The following TAF6L variants were observed in gnomAD, a reference collection of about 807,000 sequenced individuals.
TAF6L encodes the protein TATA-box binding protein associated factor 6 like.
TAF6L carries 34 observed loss-of-function variants against 57.3 expected under a neutral mutation model. That is an observed-to-expected ratio of 0.59 (90% CI 0.45 to 0.79). TAF6L has a LOEUF of 0.79. Among genes scored for constraint, TAF6L ranks in the 30% least tolerant of loss-of-function variants. TAF6L has a pLI of 0.00. For synonymous variants in TAF6L, 417 were observed against 376.3 expected, an observed-to-expected ratio of 1.11 and a Z score of -1.25; for missense variants, 782 against 853.2, an observed-to-expected ratio of 0.92 and a Z score of 1.04.
chr11:62,780,328 T>C (rs972117122), intron 6 of TAF6L, among the ~76,000 whole-genome samples: 1 of 150,764 alleles, frequency 6.6e-6, no homozygotes, highest in Admixed American at 6.6e-5. Flanking sequence ...CTGGCTAACA[T>C]GGTGAAACCC....
intron 5 of TAF6L, 64 bp from the exon 6 acceptor site, chr11:62,778,805 G>A: frequency 4.3e-6 from 6 of 1,384,924 alleles, no homozygotes; most frequent in Non-Finnish European, 6.2e-6. Flanking sequence ...GGGGGAGGAG[G>A]CTGGAGAGGC....
intron 9 of TAF6L, among the ~76,000 whole-genome samples, chr11:62,783,798 G>C (rs2084248604): frequency 6.6e-6 from 1 of 151,850 alleles, no homozygotes; most frequent in Middle Eastern, 3.4e-3. Flanking sequence ...TTCCCATAGT[G>C]CTGGGATTAT....
At chr11:62,775,419 A>G (rs1223597110) in intron 1 of TAF6L, among the ~76,000 whole-genome samples, 1 of 152,190 alleles carries the variant, frequency 6.6e-6, no homozygotes, top group Non-Finnish European at 1.5e-5. Context: ...TTTCACAGCA[A>G]CCCTGTGAGC....
chr11:62,786,780 C>G lies in TAF6L; in HGVS notation c.1353C>G (p.Ser451Arg), dbSNP rs773953884. Residue 451 changes from serine (S) to arginine (R), a missense_variant, in exon 11 of 11, where the codon AGC (serine) becomes AGG (arginine). Transcript: ENST00000294168. ...YRELYAFFGDSLATRFGTGQP... is the reference protein window; with the variant it reads ...YRELYAFFGDRLATRFGTGQP... ...AGCTCTACGCCTTCTTCGGTGACAGCTTGGCCACACGCTTTGGCACCGGCC... is the reference window on the plus strand; with the variant it reads ...AGCTCTACGCCTTCTTCGGTGACAGGTTGGCCACACGCTTTGGCACCGGCC... 6 of 1,611,906 alleles carry G rather than the reference C, an allele frequency of 3.7e-6. No homozygotes were observed. Among genetic ancestry groups the G allele is most frequent in the Admixed American group, 1.7e-5 (1 of 59,980 alleles).
rs1402960557 is a variant in TAF6L, at chr11:62,786,408, A to AGCCTCCCTTCCC, written c.1089+21_1089+32dup. 2.5e-6 allele frequency: 4 copies of AGCCTCCCTTCCC among 1,608,884 alleles called. No homozygotes were observed. Among genetic ancestry groups the AGCCTCCCTTCCC allele is most frequent in the Non-Finnish European group, 2.6e-6 (3 of 1,175,562 alleles). On this transcript the variant is annotated intron_variant, in intron 10 of 10. Transcript: ENST00000294168. Reference sequence around the variant, plus strand: ...ATTCTGGTGAGTACCGTCCCCTTCCAGCCTCCCTTCCCTGCATGAGCTTAG... The same window carrying AGCCTCCCTTCCC: ...ATTCTGGTGAGTACCGTCCCCTTCCAGCCTCCCTTCCCGCCTCCCTTCCCTGCATGAGCTTAG...
In TAF6L at chr11:62,786,834, C is replaced by A; in HGVS notation, c.1407C>A (p.Pro469=). The change falls in exon 11 of 11, where the codon CCC becomes CCA. Residue 469 remains proline (P), a synonymous_variant. Coordinates refer to ENST00000294168, the MANE Select transcript of TAF6L (RefSeq NM_006473.4). The part of the protein sequence containing the change: ...GQPAPTAPRP[P]GDKKEPAAAP... ...CTGCACCCACGGCTCCGCGGCCGCC[C>A]GGGGACAAGAAGGAGCCGGCGGCAG... 6.2e-7 allele frequency: 1 copy of A among 1,602,030 alleles called. No homozygotes were observed. The highest frequency in any genetic ancestry group is 1.7e-5 in the Admixed American group (1 of 59,666).
In TAF6L at chr11:62,787,042, C is replaced by A; in HGVS notation, c.1615C>A (p.Pro539Thr). 3 of 1,518,430 alleles carry A rather than the reference C, an allele frequency of 2.0e-6. No homozygotes were observed. Among genetic ancestry groups the A allele is most frequent in the South Asian group, 1.2e-5 (1 of 82,134 alleles). 94.1% of individuals were successfully genotyped at this position (1,518,430 alleles called of 1,614,324 possible). A position where few individuals can be genotyped will look rare whatever the true frequency, so the allele number is the denominator to read the frequency against. The change falls in exon 11 of 11, where the codon CCC (proline) becomes ACC (threonine). Residue 539 changes from proline to threonine, a missense_variant. This residue lies in a region of TAF6L where 483 missense variants were observed against 445.1 expected (regional missense o/e 1.09). Transcript: ENST00000294168. ...GCGCGGGGCACCCCGGCAGCAGGGC[C>A]CCGGGACCGGCACCCGCGACGTTTT... ...RARGAPRQQG[P>T]GTGTRDVFQK...
In TAF6L at chr11:62,787,265, TCTCGGACTACTCGCTGTACTTGCCG is replaced by T; in HGVS notation, c.1842_1866del (p.Asp615GlufsTer?). On this transcript the variant is annotated frameshift_variant, in exon 11 of 11. Transcript: ENST00000294168. LOFTEE classifies it high-confidence loss of function. ...AGCCGCCCCGCCCGCCGGTGGGCGCTCTCGGACTACTCGCTGTACTTGCCGCTCTGAGTCAGTGGCCCCTTCGTTC... is the reference window on the plus strand; with the variant it reads ...AGCCGCCCCGCCCGCCGGTGGGCGCTCTCTGAGTCAGTGGCCCCTTCGTTC... 4.5e-6 allele frequency: 7 copies of T among 1,563,532 alleles called. No homozygotes were observed. Among genetic ancestry groups the T allele is most frequent in the Non-Finnish European group, 6.0e-6 (7 of 1,163,128 alleles).
Position 62,782,156 on chromosome 11 carries a change from T to C in TAF6L, c.650T>C (p.Leu217Pro). ...GACCTGGAGCAACTGCACCGGCTGC[T>C]GCAGGTGGCACGGAGCCTATTTCGT... The part of the protein sequence containing the change: ...SHDLEQLHRL[L>P]QVARSLFRNP... The change falls in exon 8 of 11, where the codon CTG (leucine) becomes CCG (proline). Residue 217 changes from leucine to proline, a missense_variant. Physicochemically the swap from Leu to Pro is moderately conservative, Grantham distance 98. Around this residue, in one of 3 missense-constraint regions of TAF6L, gnomAD observed 79 missense variants for 156.0 expected, o/e 0.51. Transcript: ENST00000294168. 2.5e-6 allele frequency: 4 copies of C among 1,613,624 alleles called. No homozygotes were observed. Among genetic ancestry groups the C allele is most frequent in the Non-Finnish European group, 3.4e-6 (4 of 1,179,704 alleles).
chr11:62,779,166 G>A (rs181357882), intron 6 of TAF6L, among the ~76,000 whole-genome samples: 70 of 152,078 alleles, frequency 4.6e-4, no homozygotes, highest in Non-Finnish European at 7.4e-4. Context: ...GATTACAGGC[G>A]TGTGCCAGCA....
At chr11:62,778,235 C>T in intron 4 of TAF6L, 50 bp from the exon 5 acceptor site, 1 of 1,613,876 alleles carries the variant, frequency 6.2e-7, no homozygotes, top group Non-Finnish European at 8.5e-7. Context: ...GTAGGCGGTA[C>T]TCTAAGGGGC....
Position 62,786,906 on chromosome 11 carries a change from A to G in TAF6L, c.1479A>G (p.Ile493Met). ...RKMPQLTASA[I>M]VSPHGDESPR... ...TGCCGCAGCTGACGGCAAGCGCCATAGTCAGCCCGCACGGCGACGAGAGCC... is the reference window on the plus strand; with the variant it reads ...TGCCGCAGCTGACGGCAAGCGCCATGGTCAGCCCGCACGGCGACGAGAGCC... The change falls in exon 11 of 11, where the codon ATA becomes ATG. Residue 493 changes from isoleucine (I) to methionine (M), a missense_variant. Ile to Met is a conservative substitution (Grantham distance 10). Coordinates refer to ENST00000294168, the MANE Select transcript of TAF6L (RefSeq NM_006473.4). 3 of 1,520,232 alleles carry G rather than the reference A, an allele frequency of 2.0e-6. No homozygotes were observed. Among genetic ancestry groups the G allele is most frequent in the South Asian group, 1.2e-5 (1 of 83,106 alleles). The allele number at this position is 1,520,232 out of a possible 1,614,324, so 94.2% of individuals were successfully genotyped here.
chr11:62,781,215 G>A (rs1326247613), intron 6 of TAF6L, among the ~76,000 whole-genome samples: 2 of 149,452 alleles, frequency 1.3e-5, no homozygotes, highest in Admixed American at 6.7e-5. Flanking sequence ...CAGCCTGGGC[G>A]ACAGGGCGAG....
Position 62,787,254 on chromosome 11 carries a change from C to T in TAF6L, c.1827C>T (p.Arg609=). Residue 609 remains arginine, a synonymous_variant, in exon 11 of 11, where the codon CGC becomes CGT. Transcript: ENST00000294168. ...TCGGCCGTACCAGCCGCCCCGCCCG[C>T]CGGTGGGCGCTCTCGGACTACTCGC... The part of the protein sequence containing the change: ...PMIGRTSRPA[R]RWALSDYSLY... The T allele has an allele frequency of 6.4e-7, 1 of 1,566,852 alleles. No homozygotes were observed. Among genetic ancestry groups the T allele is most frequent in the African/African-American group, 1.4e-5 (1 of 72,222 alleles).
At chr11:62,783,343 G>A (rs1389014319) in intron 9 of TAF6L, among the ~76,000 whole-genome samples, 2 of 152,044 alleles carry the variant, frequency 1.3e-5, no homozygotes, top group Non-Finnish European at 2.9e-5. Context: ...TTAGCCTGGT[G>A]TGGTGGCGGG....
At position 62,775,150 on chromosome 11, in the gene TAF6L, TAC is replaced by T. The variant is rs1412896489; in HGVS notation, c.-13-619_-13-618del. On this transcript the variant is annotated intron_variant, in intron 1 of 10. Coordinates refer to ENST00000294168, the MANE Select transcript of TAF6L (RefSeq NM_006473.4). ...AATGCTGGGGAGGCCTCAGGAAACTTACAGTCATGGTGGAAGAGGAAGCAAAC... is the reference window on the plus strand; with the variant it reads ...AATGCTGGGGAGGCCTCAGGAAACTTAGTCATGGTGGAAGAGGAAGCAAAC... Among the ~76,000 whole-genome samples, 5 of 152,026 alleles carry T rather than the reference TAC, an allele frequency of 3.3e-5. No homozygotes were observed. In the East Asian group the frequency reaches 7.7e-4, roughly 23 times the overall value.
In TAF6L at chr11:62,787,048, A is replaced by G. The variant is rs1363452964; in HGVS notation, c.1621A>G (p.Thr541Ala). Reference sequence around the variant, plus strand: ...GGCACCCCGGCAGCAGGGCCCCGGGACCGGCACCCGCGACGTTTTCCAGAA... The same window carrying G: ...GGCACCCCGGCAGCAGGGCCCCGGGGCCGGCACCCGCGACGTTTTCCAGAA... The part of the protein sequence containing the change: ...RGAPRQQGPG[T>A]GTRDVFQKSR... Residue 541 changes from threonine to alanine, a missense_variant, in exon 11 of 11, where the codon ACC (threonine) becomes GCC (alanine). Physicochemically the swap from Thr to Ala is moderately conservative, Grantham distance 58. Transcript: ENST00000294168. 6.6e-7 allele frequency: 1 copy of G among 1,521,860 alleles called. No individual in the cohort carries two copies. The allele number at this position is 1,521,860 out of a possible 1,614,324, so 94.3% of individuals were successfully genotyped here. A position where few individuals can be genotyped will look rare whatever the true frequency, so the allele number is the denominator to read the frequency against.
chr11:62,775,764 C>G lies in TAF6L; in HGVS notation c.-13-7C>G, dbSNP rs761077051. On this transcript the variant is annotated splice_region_variant and splice_polypyrimidine_tract_variant and intron_variant, in intron 1 of 10. Transcript: ENST00000294168. ...CAGCTTTTCCAGTCTTCATTCTCCA[C>G]TCCCAGCTCCACTGGGGCCATGTCA... The G allele has an allele frequency of 1.6e-5, 25 of 1,596,936 alleles. No homozygotes were observed. The highest frequency in any genetic ancestry group is 2.7e-5 in the African/African-American group (2 of 74,728).
chr11:62,787,001 C>T lies in TAF6L; in HGVS notation c.1574C>T (p.Pro525Leu), dbSNP rs1245876095. 2.7e-6 allele frequency: 4 copies of T among 1,482,520 alleles called. No individual in the cohort carries two copies. Among genetic ancestry groups the T allele is most frequent in the Non-Finnish European group, 3.6e-6 (4 of 1,126,464 alleles). 91.8% of individuals were successfully genotyped at this position (1,482,520 alleles called of 1,614,324 possible). A position where few individuals can be genotyped will look rare whatever the true frequency, so the allele number is the denominator to read the frequency against. Residue 525 changes from proline to leucine, a missense_variant, in exon 11 of 11, where the codon CCG becomes CTG. Physicochemically the swap from Pro to Leu is moderately conservative, Grantham distance 98 (BLOSUM62 -3). Transcript: ENST00000294168. ...GPAASESRPL[P>L]RVHRARGAPR... ...GCCGCCTCTGAGAGCAGGCCCTTGC[C>T]GCGCGTGCATCGGGCGCGCGGGGCA...
Sources: gnomAD v4.1 joint callset for allele counts (sites outside exome capture counted in the v4.1 genomes callset) on GRCh38, gnomAD v4.1.1 for gene constraint, gnomAD v4.1.1 regional missense constraint, MANE v1.5 for transcripts, NCBI Gene and HGNC (gene_info 2026-07-23, HGNC 2026-07-21) for gene names.